Variants in GPR89B observed in about 807,000 individuals in gnomAD.
The protein encoded by GPR89B is G protein-coupled receptor 89B.
Under a neutral mutation model 52.4 loss-of-function variants are expected in GPR89B, and 25 were observed. The observed-to-expected ratio is 0.48, with a 90% CI of 0.35 to 0.67. The LOEUF (loss-of-function observed/expected upper bound fraction) is 0.67. GPR89B is among the 30% of genes least tolerant of loss of function. The probability of loss-of-function intolerance (pLI) is 0.01; values close to 1 mark genes in which losing one functional copy is unlikely to be tolerated. For missense variants in GPR89B, 146 were observed against 450.2 expected, an observed-to-expected ratio of 0.32 and a Z score of 6.11; for synonymous variants, 52 against 151.2, an observed-to-expected ratio of 0.34 and a Z score of 4.81.
Position 147,928,588 on chromosome 1 carries a change from C to T in GPR89B, c.42+10C>T. ...CATGATTACCTCCCAGGTGAGTCAC[C>T]GCCTCCCGCCCCGACACCCGTCCGC... is the stretch of plus-strand genomic sequence containing the variant. On this transcript the variant is annotated intron_variant, in intron 1 of 13. Coordinates refer to ENST00000314163, the MANE Select transcript of GPR89B (RefSeq NM_016334.5). The T allele has an allele frequency of 6.2e-7, 1 of 1,613,758 alleles. No homozygotes were observed. Among genetic ancestry groups the T allele is most frequent in the Non-Finnish European group, 8.5e-7 (1 of 1,179,688 alleles).
At chr1:148,019,202 C>T in the GPR89B span, among the ~76,000 whole-genome samples, 2 of 151,184 alleles carry the variant, frequency 1.3e-5, no homozygotes, top group Admixed American at 1.3e-4. Context: ...GTCTCGAACT[C>T]CTGACCTCGT....
the GPR89B span, chr1:148,010,011 G>A: frequency 5.7e-6 from 1 of 175,856 alleles, no homozygotes; most frequent in South Asian, 1.3e-4. Flanking sequence ...TTCCATTACT[G>A]AACCATCAGT....
intron 3 of GPR89B, among the ~76,000 whole-genome samples, chr1:147,939,994 A>T (rs1203272452): frequency 2.0e-5 from 3 of 151,836 alleles, no homozygotes; most frequent in African/African-American, 7.3e-5. Context: ...CTTAAAAAAA[A>T]GAGTGAGAGA....
intron 2 of GPR89B, among the ~76,000 whole-genome samples, chr1:147,937,929 G>T (rs1274920453): frequency 1.3e-5 from 2 of 152,066 alleles, no homozygotes; most frequent in Non-Finnish European, 2.9e-5. Context: ...ATTAATTTGG[G>T]GAACTAATAA....
chr1:148,003,991 A>G, the GPR89B span: 1 of 533,974 alleles, frequency 1.9e-6, no homozygotes, highest in South Asian at 2.2e-5. Context: ...ACCTGTAACA[A>G]CACACACAGA....
chr1:147,982,048 C>G (rs1210873872), intron 10 of GPR89B, among the ~76,000 whole-genome samples: 1 of 151,192 alleles, frequency 6.6e-6, no homozygotes, highest in African/African-American at 2.4e-5. Context: ...ATATGTTTAA[C>G]CTTTTTATTT....
chr1:147,962,057 T>G (rs1262255172), intron 7 of GPR89B, among the ~76,000 whole-genome samples: 1 of 151,872 alleles, frequency 6.6e-6, no homozygotes, highest in African/African-American at 2.4e-5. Context: ...TTTAAACATA[T>G]TATATAGCTG....
chr1:147,951,282 A>G (rs1240890370), intron 5 of GPR89B, among the ~76,000 whole-genome samples: 1 of 151,952 alleles, frequency 6.6e-6, no homozygotes, highest in African/African-American at 2.4e-5. Context: ...GAATTAGAAC[A>G]TGTGAAATGC....
downstream of GPR89B, chr1:147,996,468 A>G: frequency 8.0e-7 from 1 of 1,242,882 alleles, no homozygotes; most frequent in South Asian, 1.3e-5. Context: ...GGAAAAGCTG[A>G]GACTATCCTA....
chr1:148,013,926 G>A, the GPR89B span, among the ~76,000 whole-genome samples: 1 of 151,774 alleles, frequency 6.6e-6, no homozygotes, highest in African/African-American at 2.4e-5. Context: ...GAGAGGGCGC[G>A]CGGGACCCAG....
At chr1:147,980,016 T>C (rs2149086995) in intron 10 of GPR89B, among the ~76,000 whole-genome samples, 1 of 150,300 alleles carries the variant, frequency 6.7e-6, no homozygotes, top group South Asian at 2.1e-4. Context: ...AGCCCAGAAG[T>C]CCAAGGCCTC....
intron 3 of GPR89B, among the ~76,000 whole-genome samples, chr1:147,939,801 G>A (rs1434094515): frequency 6.6e-6 from 1 of 151,318 alleles, no homozygotes. Flanking sequence ...GGTTCAAGAC[G>A]AGCCTGGGCA....
chr1:147,972,565 T>C (rs1247640916), intron 10 of GPR89B, among the ~76,000 whole-genome samples: 1 of 152,022 alleles, frequency 6.6e-6, no homozygotes, highest in African/African-American at 2.4e-5. Context: ...TTATATTTCT[T>C]AATGTCTAAT....
At chr1:147,955,402 A>G (rs2149061490) in intron 7 of GPR89B, among the ~76,000 whole-genome samples, 1 of 152,170 alleles carries the variant, frequency 6.6e-6, no homozygotes, top group South Asian at 2.1e-4. Context: ...TACTGATTTC[A>G]GATCTTTTGG....
chr1:148,020,952 T>A, the GPR89B span, among the ~76,000 whole-genome samples: 2 of 151,588 alleles, frequency 1.3e-5, 1 homozygote, highest in African/African-American at 4.9e-5. Flanking sequence ...CCTCCCAAAG[T>A]GGTGGGATTA....
intron 5 of GPR89B, among the ~76,000 whole-genome samples, chr1:147,949,835 C>T (rs1655427083): frequency 1.4e-5 from 2 of 143,886 alleles, no homozygotes; most frequent in Non-Finnish European, 3.0e-5. Context: ...GGGCAGCTTG[C>T]CGGGCAGAGG....
the GPR89B span, among the ~76,000 whole-genome samples, chr1:148,013,774 G>A: frequency 6.6e-6 from 1 of 151,976 alleles, no homozygotes; most frequent in Non-Finnish European, 1.5e-5. Flanking sequence ...GTTAAGAGAC[G>A]TGCATCCAAC....
the GPR89B span, among the ~76,000 whole-genome samples, chr1:148,003,048 C>T: frequency 6.6e-6 from 1 of 152,206 alleles, no homozygotes; most frequent in African/African-American, 2.4e-5. Context: ...ACATATGTCT[C>T]TTATCTACTA....
At chr1:147,977,638 C>T (rs1431908563) in intron 10 of GPR89B, among the ~76,000 whole-genome samples, 9 of 150,536 alleles carry the variant, frequency 6.0e-5, no homozygotes, top group South Asian at 2.1e-4. Flanking sequence ...GCCGTAGGTT[C>T]GGTATTTTTA....
Sources: allele counts gnomAD v4.1 joint callset (sites outside exome capture counted in the v4.1 genomes callset), GRCh38; gene constraint gnomAD v4.1.1; transcripts MANE v1.5; gene names NCBI Gene and HGNC (gene_info 2026-07-23, HGNC 2026-07-21).